The following SLC22A25 variants were observed in gnomAD, a reference collection of about 807,000 sequenced individuals.
SLC22A25 encodes solute carrier family 22 member 25, also known as MGI:2442751, MGI:2385316, MGI:3042283, MGI:3645714, MGI:3605624, MGI:2442750.
SLC22A25 carries 44 observed loss-of-function variants against 45.9 expected under a neutral mutation model. The observed-to-expected ratio is 0.96, with a 90% CI of 0.75 to 1.23. The LOEUF (loss-of-function observed/expected upper bound fraction) is 1.23, where lower values mean the gene tolerates loss of function less well. Among genes scored for constraint, SLC22A25 ranks in the 50% most tolerant of loss-of-function variants. The probability of loss-of-function intolerance (pLI) is 0.00; values close to 1 mark genes in which losing one functional copy is unlikely to be tolerated. For synonymous variants in SLC22A25, 283 were observed against 238.6 expected (o/e 1.19, Z -1.72); for missense variants, 800 against 666.4 (o/e 1.20, Z -2.21).
At chr11:63,230,921 ATAGT>A (rs1214484684) in intron 3 of SLC22A25, among the ~76,000 whole-genome samples, 4 of 151,876 alleles carry the variant, frequency 2.6e-5, no homozygotes, top group African/African-American at 9.7e-5. Context: ...TGTCCTTGAG[ATAGT>A]TGGTTGAGAA....
chr11:63,176,537 G>A (rs2088095725), intron 9 of SLC22A25, among the ~76,000 whole-genome samples: 1 of 151,822 alleles, frequency 6.6e-6, no homozygotes, highest in South Asian at 2.1e-4. Flanking sequence ...AAACACAACT[G>A]ATTTTTAAGT....
chr11:63,165,693 T>C (rs1228451066), intron 10 of SLC22A25, among the ~76,000 whole-genome samples: 3 of 152,210 alleles, frequency 2.0e-5, no homozygotes, highest in African/African-American at 4.8e-5. Context: ...TGTTCTCATA[T>C]TGGGATACAA....
intron 7 of SLC22A25, among the ~76,000 whole-genome samples, chr11:63,202,420 C>T (rs58791109): frequency 0.022 from 3,311 of 152,266 alleles, 122 homozygotes; most frequent in African/African-American, 0.075. Flanking sequence ...TTCTCACTGC[C>T]AGCACAGCAG....
chr11:63,175,825 G>GTATA (rs5792280), intron 9 of SLC22A25, among the ~76,000 whole-genome samples: 3 of 150,334 alleles, frequency 2.0e-5, no homozygotes, highest in African/African-American at 4.9e-5. Flanking sequence ...AATTGGGTGT[G>GTATA]TATATATATA....
intron 8 of SLC22A25, among the ~76,000 whole-genome samples, chr11:63,181,425 T>A (rs1291870981): frequency 7.8e-6 from 1 of 128,988 alleles, no homozygotes; most frequent in Non-Finnish European, 1.6e-5. Flanking sequence ...TGGTGTGTGA[T>A]GTTCCCCTTC....
chr11:63,212,963 C>A (rs1263702206), intron 7 of SLC22A25, among the ~76,000 whole-genome samples: 1 of 152,176 alleles, frequency 6.6e-6, no homozygotes, highest in Non-Finnish European at 1.5e-5. Flanking sequence ...AGAGAGGCTT[C>A]TTCACCTGCT....
chr11:63,175,308 C>T (rs2088046154), intron 9 of SLC22A25, among the ~76,000 whole-genome samples: 2 of 152,020 alleles, frequency 1.3e-5, no homozygotes, highest in South Asian at 4.1e-4. Flanking sequence ...TGATAATGTC[C>T]TAACAGATTT....
chr11:63,166,406 T>G, intron 9 of SLC22A25, 148 bp from the exon 10 acceptor site: 1 of 1,444,628 alleles, frequency 6.9e-7, no homozygotes, highest in South Asian at 1.5e-5. Context: ...AAGTTGATAT[T>G]TTAAAGTTAT....
chr11:63,202,784 C>T (rs763604895), intron 7 of SLC22A25, among the ~76,000 whole-genome samples: 59 of 152,324 alleles, frequency 3.9e-4, no homozygotes, highest in African/African-American at 1.3e-3. Context: ...AGTGGATCTC[C>T]GAGCACAGTG....
At chr11:63,166,439 A>G (rs551326850) in intron 9 of SLC22A25, 181 bp from the exon 10 acceptor site, 2 of 1,422,286 alleles carry the variant, frequency 1.4e-6, no homozygotes, top group Middle Eastern at 2.6e-4. Context: ...GTTAGATGAT[A>G]GTGGTAACAA....
intron 7 of SLC22A25, among the ~76,000 whole-genome samples, chr11:63,186,955 G>C (rs774371952): frequency 3.9e-5 from 6 of 152,188 alleles, no homozygotes; most frequent in Non-Finnish European, 7.3e-5. Flanking sequence ...TAGCCTTGTA[G>C]TAGAGTTTGA....
intron 6 of SLC22A25, 36 bp downstream of exon 6, chr11:63,217,545 A>C: frequency 6.2e-7 from 1 of 1,609,630 alleles, no homozygotes; most frequent in Non-Finnish European, 8.5e-7. Context: ...GTCAAAGCCA[A>C]GGCTTGGAAA....
intron 9 of SLC22A25, among the ~76,000 whole-genome samples, chr11:63,176,949 G>A (rs2088110201): frequency 6.6e-6 from 1 of 151,976 alleles, no homozygotes; most frequent in Non-Finnish European, 1.5e-5. Flanking sequence ...AGTGTTGACA[G>A]ATTCACTCAG....
At chr11:63,226,522 C>A (rs1193617186) in intron 5 of SLC22A25, among the ~76,000 whole-genome samples, 1 of 152,178 alleles carries the variant, frequency 6.6e-6, no homozygotes, top group Non-Finnish European at 1.5e-5. Flanking sequence ...TTCTGAGCTG[C>A]TTGTAGCTAG....
intron 7 of SLC22A25, among the ~76,000 whole-genome samples, chr11:63,187,940 G>A (rs2088628839): frequency 6.6e-6 from 1 of 152,108 alleles, no homozygotes; most frequent in African/African-American, 2.4e-5. Flanking sequence ...TGCTGGATTT[G>A]GTTTGCCAGT....
At chr11:63,178,244 T>C (rs1218531240) in intron 9 of SLC22A25, among the ~76,000 whole-genome samples, 2 of 152,056 alleles carry the variant, frequency 1.3e-5, no homozygotes, top group African/African-American at 4.8e-5. Context: ...GTTGATACCA[T>C]ATCTTGGCTT....
intron 7 of SLC22A25, among the ~76,000 whole-genome samples, chr11:63,202,169 G>A (rs2089265975): frequency 6.6e-6 from 1 of 152,020 alleles, no homozygotes; most frequent in African/African-American, 2.4e-5. Context: ...AGATTCCCTT[G>A]GGTGCTTATA....
intron 5 of SLC22A25, among the ~76,000 whole-genome samples, chr11:63,221,196 C>T (rs999780051): frequency 6.6e-6 from 1 of 152,088 alleles, no homozygotes; most frequent in Non-Finnish European, 1.5e-5. Flanking sequence ...TTTGAGGAAC[C>T]TCCAAATTGT....
intron 10 of SLC22A25, among the ~76,000 whole-genome samples, 158 bp downstream of exon 10, chr11:63,165,886 C>T (rs982217195): frequency 1.1e-4 from 17 of 152,190 alleles, no homozygotes; most frequent in African/African-American, 2.4e-4. Context: ...CAGCAACTTC[C>T]GTGTGGCAAA....
Sources: allele counts gnomAD v4.1 joint callset (sites outside exome capture counted in the v4.1 genomes callset), GRCh38; gene constraint gnomAD v4.1.1; transcripts MANE v1.5; gene names NCBI Gene and HGNC (gene_info 2026-07-23, HGNC 2026-07-21).